Variants in ABCA8 observed in about 807,000 individuals in gnomAD.
ABCA8 encodes ATP binding cassette subfamily A member 8, also known as ABC-type organic anion transporter ABCA8.
In ABCA8, 177 loss-of-function variants were observed where a neutral mutation model predicts 192.3. That is an observed-to-expected ratio of 0.92 (90% CI 0.81 to 1.04). The LOEUF (loss-of-function observed/expected upper bound fraction) is 1.04, where lower values mean the gene tolerates loss of function less well. Ranked by LOEUF, ABCA8 falls within the 50% of genes least tolerant of loss-of-function variation. The probability of loss-of-function intolerance (pLI) is 0.00; values close to 1 mark genes in which losing one functional copy is unlikely to be tolerated. For missense variants in ABCA8, 1,915 were observed against 1,904.8 expected (o/e 1.01, Z -0.10); for synonymous variants, 642 against 690.2 (o/e 0.93, Z 1.09).
intron 2 of ABCA8, among the ~76,000 whole-genome samples, chr17:68,948,648 G>A (rs754959692): frequency 1.1e-4 from 16 of 152,034 alleles, no homozygotes; most frequent in Non-Finnish European, 1.9e-4. Flanking sequence ...TTAGCCCTTT[G>A]TCAGATGGGT....
chr17:68,929,571 C>T lies in ABCA8; in HGVS notation c.929G>A (p.Gly310Glu). The part of the protein sequence containing the change: ...MVVFSLFLLY[G>E]LSLVALAFLM... ...AATTCACTAACTCACCAAAGATAAT[C>T]CATACAGGAGAAAGAGGCTGAAGAC... The change falls in exon 8 of 40, where the codon GGA becomes GAA. Residue 310 changes from glycine to glutamate, a missense_variant. Coordinates refer to ENST00000586539, the MANE Select transcript of ABCA8 (RefSeq NM_001288985.2). 6.2e-7 allele frequency: 1 copy of T among 1,611,432 alleles called. No individual in the cohort carries two copies. The highest frequency in any genetic ancestry group is 8.5e-7 in the Non-Finnish European group (1 of 1,179,096).
intron 6 of ABCA8, 93 bp from the exon 7 acceptor site, chr17:68,932,607 G>T (rs2143706438): frequency 1.1e-6 from 1 of 938,920 alleles, no homozygotes; most frequent in Non-Finnish European, 1.7e-6. Context: ...TGTATGATTG[G>T]CCTATTGGGA....
intron 38 of ABCA8, 102 bp from the exon 39 acceptor site, chr17:68,868,458 G>A: frequency 1.0e-6 from 1 of 967,426 alleles, no homozygotes. Flanking sequence ...ATCTTAAATA[G>A]GTTAAGGTAA....
In ABCA8 at chr17:68,927,899, A is replaced by G. The variant is rs761012852; in HGVS notation, c.1273+17T>C. ...ACTATTTAAATGATATATGATTTTA[A>G]TCATATCATTACTCACTTGGCAAAA... is the stretch of plus-strand genomic sequence containing the variant. On this transcript the variant is annotated intron_variant, in intron 10 of 39. Coordinates refer to ENST00000586539, the MANE Select transcript of ABCA8 (RefSeq NM_001288985.2). The G allele has an allele frequency of 1.3e-6, 2 of 1,548,068 alleles. No individual in the cohort carries two copies. The highest frequency in any genetic ancestry group is 1.8e-6 in the Non-Finnish European group (2 of 1,138,542).
rs898877140 is a variant in ABCA8 at position 68,940,817 on chromosome 17, G to C, written c.242C>G (p.Pro81Arg). ...NESRFSVVYTPVTNTTQQIMN... is the reference protein window; with the variant it reads ...NESRFSVVYTRVTNTTQQIMN... ...TATCTGTTGGGTCGTGTTGGTGACA[G>C]GTGTGTATACAACAGAAAATCTGGA... is the stretch of plus-strand genomic sequence containing the variant. The change falls in exon 4 of 40, where the codon CCT becomes CGT. Residue 81 changes from proline (P) to arginine (R), a missense_variant. Coordinates refer to ENST00000586539, the MANE Select transcript of ABCA8 (RefSeq NM_001288985.2). The C allele has an allele frequency of 6.2e-6, 10 of 1,613,464 alleles. No homozygotes were observed. Among genetic ancestry groups the C allele is most frequent in the Admixed American group, 1.7e-5 (1 of 59,972 alleles).
Position 68,922,192 on chromosome 17 carries a change from CTCTTTTTTTTTTTTTTTTTTTTT to C in ABCA8, c.1501+27_1501+49del, listed in dbSNP as rs1443638331. The C allele has an allele frequency of 1.5e-5, 7 of 477,770 alleles. No homozygotes were observed. The African/African-American group carries it at 3.0e-4, about 20-fold the overall frequency. The allele number at this position is 477,770 out of a possible 1,614,324, so 29.6% of individuals were successfully genotyped here. On this transcript the variant is annotated intron_variant, in intron 12 of 39. Coordinates refer to ENST00000586539, the MANE Select transcript of ABCA8 (RefSeq NM_001288985.2). Reference sequence around the variant, plus strand: ...TATAACAAATATTTTCTTTCTCTCTCTCTTTTTTTTTTTTTTTTTTTTTTTTTTTTTTTTTTTTTTTTTTTTTA... The same window carrying C: ...TATAACAAATATTTTCTTTCTCTCTCTTTTTTTTTTTTTTTTTTTTTTTTA...
intron 5 of ABCA8, 100 bp downstream of exon 5, chr17:68,936,851 A>G: frequency 1.9e-6 from 2 of 1,061,996 alleles, no homozygotes; most frequent in Non-Finnish European, 2.6e-6. Context: ...ATTATGACAG[A>G]TAGTGATGCT....
chr17:68,882,343 A>G (rs1246639185), intron 30 of ABCA8, among the ~76,000 whole-genome samples: 1 of 152,228 alleles, frequency 6.6e-6, no homozygotes, highest in Non-Finnish European at 1.5e-5. Context: ...ACTTTCTCCA[A>G]CAAGCAATGA....
chr17:68,899,596 A>G lies in ABCA8; in HGVS notation c.2764+3117T>C, dbSNP rs547497507. Among the ~76,000 whole-genome samples the G allele has an allele frequency of 1.7e-4, 26 of 152,268 alleles. 1 individual carries two copies. Among genetic ancestry groups the G allele is most frequent in the African/African-American group, 5.8e-4 (24 of 41,584 alleles). The stretch of plus-strand genomic sequence containing the variant: ...TATACACTTAAGAGAGACTCGAAAT[A>G]CAAAATAGCACTGAAAAGTGAAATA... On this transcript the variant is annotated intron_variant, in intron 21 of 39. Coordinates refer to ENST00000586539, the MANE Select transcript of ABCA8 (RefSeq NM_001288985.2).
chr17:68,887,160 T>C (rs1440254704), intron 25 of ABCA8, 30 bp from the exon 26 acceptor site: 3 of 1,497,594 alleles, frequency 2.0e-6, no homozygotes, highest in Non-Finnish European at 2.7e-6. Context: ...GAAGCTTAGT[T>C]AAATACAAAT....
At chr17:68,934,375 A>T (rs2067995362) in intron 5 of ABCA8, among the ~76,000 whole-genome samples, 1 of 152,170 alleles carries the variant, frequency 6.6e-6, no homozygotes, top group Non-Finnish European at 1.5e-5. Flanking sequence ...TGGTCAGGAT[A>T]GTCTCTTATA....
rs148282436 is a variant in ABCA8, at chr17:68,893,469, T to C, written c.3036+704A>G. 3.0e-3 allele frequency among the ~76,000 whole-genome samples: 457 copies of C among 152,332 alleles called. 2 individuals are homozygous for C. Among genetic ancestry groups the C allele is most frequent in the African/African-American group, 0.01 (416 of 41,574 alleles). ...TAATATTTTTGACAAGAATCTGCAG[T>C]AATTCTAATGTAGATAGTCTGAAAT... is the stretch of plus-strand genomic sequence containing the variant. On this transcript the variant is annotated intron_variant, in intron 23 of 39. Coordinates refer to ENST00000586539, the MANE Select transcript of ABCA8 (RefSeq NM_001288985.2).
In ABCA8 at chr17:68,885,685, C is replaced by T. The variant is rs571349473; in HGVS notation, c.3430-370G>A. On this transcript the variant is annotated intron_variant, in intron 26 of 39. Coordinates refer to ENST00000586539, the MANE Select transcript of ABCA8 (RefSeq NM_001288985.2). ...CCCTCAGACTCCCGGATAGCTGGGACTACAGGTGCATGCCAACATGCCCAG... is the reference window on the plus strand; with the variant it reads ...CCCTCAGACTCCCGGATAGCTGGGATTACAGGTGCATGCCAACATGCCCAG... Among the ~76,000 whole-genome samples the T allele has an allele frequency of 1.3e-3, 205 of 152,004 alleles. 2 individuals are homozygous for T. Among genetic ancestry groups the T allele is most frequent in the African/African-American group, 3.8e-3 (158 of 41,450 alleles).
chr17:68,938,746 A>C (rs887904383), intron 4 of ABCA8, among the ~76,000 whole-genome samples: 1 of 152,140 alleles, frequency 6.6e-6, no homozygotes, highest in Non-Finnish European at 1.5e-5. Context: ...CCAACCATCA[A>C]TTCTGATTTG....
chr17:68,935,530 A>G (rs549151341), intron 5 of ABCA8, among the ~76,000 whole-genome samples: 7 of 133,906 alleles, frequency 5.2e-5, no homozygotes, highest in African/African-American at 1.7e-4. Context: ...TTTATGGCTG[A>G]GTAGTATTCC....
intron 5 of ABCA8, among the ~76,000 whole-genome samples, chr17:68,935,084 CTT>C (rs546921061): frequency 1.3e-4 from 17 of 132,030 alleles, no homozygotes; most frequent in Admixed American, 3.0e-4. Context: ...ACTTTATCAC[CTT>C]TTTTTTTTTT....
At position 68,877,506 on chromosome 17, in the gene ABCA8, C is replaced by G; in HGVS notation, c.4199+13G>C. 6.2e-7 allele frequency: 1 copy of G among 1,607,304 alleles called. No individual in the cohort carries two copies. On this transcript the variant is annotated intron_variant, in intron 33 of 39. Transcript: ENST00000586539. Reference sequence around the variant, plus strand: ...TCCCTTGGGTATAGAACAGATGTGGCTCCTCTGTGTACCGTGTGATGGCAA... The same window carrying G: ...TCCCTTGGGTATAGAACAGATGTGGGTCCTCTGTGTACCGTGTGATGGCAA...
chr17:68,893,212 T>C (rs138859891), intron 23 of ABCA8, among the ~76,000 whole-genome samples: 66 of 152,302 alleles, frequency 4.3e-4, no homozygotes, highest in African/African-American at 1.4e-3. Context: ...AAGGTATTTA[T>C]AAAGTGTTAA....
intron 17 of ABCA8, among the ~76,000 whole-genome samples, chr17:68,910,453 G>C (rs529175549): frequency 6.6e-6 from 1 of 152,160 alleles, no homozygotes; most frequent in African/African-American, 2.4e-5. Context: ...CAGAGGGGAA[G>C]CATTCATCCC....
Sources: allele counts gnomAD v4.1 joint callset (sites outside exome capture counted in the v4.1 genomes callset), GRCh38; gene constraint gnomAD v4.1.1; transcripts MANE v1.5; gene names NCBI Gene and HGNC (gene_info 2026-07-23, HGNC 2026-07-21).